Variants in ZC3H14 observed in about 807,000 individuals in gnomAD.
ZC3H14 encodes the protein zinc finger CCCH domain-containing protein 14.
A neutral mutation model predicts 92.4 loss-of-function variants in ZC3H14; 31 were observed. The ratio of observed to expected loss-of-function variants is 0.34; its 90% confidence interval spans 0.25 to 0.45. The LOEUF is 0.45. ZC3H14 is among the 20% of genes least tolerant of loss of function. The pLI is 1.00. For missense variants in ZC3H14, 781 were observed against 897.3 expected, an observed-to-expected ratio of 0.87 and a Z score of 1.66; for synonymous variants, 321 against 300.9, an observed-to-expected ratio of 1.07 and a Z score of -0.69.
intron 9 of ZC3H14, among the ~76,000 whole-genome samples, chr14:88,581,782 T>C (rs988963104): frequency 2.6e-5 from 4 of 152,166 alleles, no homozygotes; most frequent in Non-Finnish European, 4.4e-5. Context: ...TAGGTGTAAA[T>C]ATCGCGGTGA....
rs2087183840 is a variant in ZC3H14, at chr14:88,613,807, A to T, written c.*2056A>T. ...ACACAATCAGGAGCTTAGATACTGC[A>T]CACAAAAATAATTATCTGGGTTAAA... On this transcript the variant is annotated 3_prime_UTR_variant, in exon 17 of 17. Coordinates refer to ENST00000251038, the MANE Select transcript of ZC3H14 (RefSeq NM_024824.5). 1 of 152,224 alleles carries T rather than the reference A, an allele frequency of 6.6e-6. No individual in the cohort carries two copies. Among genetic ancestry groups the T allele is most frequent in the African/African-American group, 2.4e-5 (1 of 41,464 alleles). 9.4% of individuals were successfully genotyped at this position (152,224 alleles called of 1,614,324 possible). A position where few individuals can be genotyped will look rare whatever the true frequency, so the allele number is the denominator to read the frequency against.
intron 1 of ZC3H14, 152 bp from the exon 2 acceptor site, chr14:88,563,499 G>T: frequency 6.6e-7 from 1 of 1,504,606 alleles, no homozygotes; most frequent in Non-Finnish European, 9.0e-7. Context: ...TGGGGTGCGG[G>T]GTGGGGGGCG....
chr14:88,626,862 G>A lies in ZC3H14; in HGVS notation c.*15111G>A, dbSNP rs752425714. On this transcript the variant is annotated 3_prime_UTR_variant, in exon 17 of 17. Transcript: ENST00000251038. ...CTGCACCAAATGCAATAGCGAGCAT[G>A]GTCTGCATCCGGGCATCTTCCAGTG... The A allele has an allele frequency of 3.7e-6, 6 of 1,613,886 alleles. No homozygotes were observed. The highest frequency in any genetic ancestry group is 5.1e-6 in the Non-Finnish European group (6 of 1,179,832).
intron 13 of ZC3H14, among the ~76,000 whole-genome samples, 172 bp downstream of exon 13, chr14:88,607,535 C>T (rs1202303726): frequency 3.5e-5 from 5 of 144,432 alleles, no homozygotes; most frequent in African/African-American, 1.0e-4. Context: ...CCTGCAAGTA[C>T]CATCCCATTT....
At chr14:88,584,656 G>A (rs1184303274) in intron 9 of ZC3H14, among the ~76,000 whole-genome samples, 1 of 152,136 alleles carries the variant, frequency 6.6e-6, no homozygotes, top group Non-Finnish European at 1.5e-5. Flanking sequence ...GCTGTGTGAT[G>A]CAACCATCTC....
intron 9 of ZC3H14, chr14:88,590,359 T>A (rs1453393201): frequency 6.5e-6 from 1 of 153,080 alleles, no homozygotes; most frequent in Non-Finnish European, 1.5e-5. Flanking sequence ...TGTTCTGCCT[T>A]CTCATCACCC....
chr14:88,611,655 T>C, intron 16 of ZC3H14, 90 bp from the exon 17 acceptor site: 1 of 1,509,032 alleles, frequency 6.6e-7, no homozygotes. Flanking sequence ...TATTTATTGC[T>C]TAAAACTAGT....
Position 88,621,434 on chromosome 14 carries a change from C to T in ZC3H14, c.*9683C>T. The T allele has an allele frequency of 1.0e-6, 1 of 956,704 alleles. No individual in the cohort carries two copies. The highest frequency in any genetic ancestry group is 1.6e-6 in the Non-Finnish European group (1 of 628,780). 59.3% of individuals were successfully genotyped at this position (956,704 alleles called of 1,614,324 possible). On this transcript the variant is annotated 3_prime_UTR_variant, in exon 17 of 17. Transcript: ENST00000251038. ...TGAGCTAATCTAGTAGCAAGGCAGT[C>T]ATTAGCTCATGCAAATTTTTCTATG...
intron 9 of ZC3H14, chr14:88,589,307 T>C (rs2082817592): frequency 6.6e-6 from 1 of 152,154 alleles, no homozygotes; most frequent in Non-Finnish European, 1.5e-5. Context: ...CTATTAAAAA[T>C]ATTAAAATTT....
At chr14:88,591,953 T>A (rs1484458019) in intron 9 of ZC3H14, 1 of 152,240 alleles carries the variant, frequency 6.6e-6, no homozygotes, top group Non-Finnish European at 1.5e-5. Context: ...TTTCCTAATC[T>A]ATAAATGAAG....
In ZC3H14 at chr14:88,624,714, T is replaced by G. The variant is rs1419783550; in HGVS notation, c.*12963T>G. The G allele has an allele frequency of 2.4e-6, 1 of 418,244 alleles. No homozygotes were observed. Among genetic ancestry groups the G allele is most frequent in the African/African-American group, 2.0e-5 (1 of 49,026 alleles). 25.9% of individuals were successfully genotyped at this position (418,244 alleles called of 1,614,324 possible). On this transcript the variant is annotated 3_prime_UTR_variant, in exon 17 of 17. Transcript: ENST00000251038. The stretch of plus-strand genomic sequence containing the variant: ...ACAGGCATACAGACATTAAGAAAAG[T>G]AACTCAACTTGTAGGACAACTACCT...
In ZC3H14 at chr14:88,621,428, G is replaced by A; in HGVS notation, c.*9677G>A. 9.5e-7 allele frequency: 1 copy of A among 1,055,396 alleles called. No homozygotes were observed. Among genetic ancestry groups the A allele is most frequent in the Non-Finnish European group, 1.4e-6 (1 of 709,212 alleles). The allele number at this position is 1,055,396 out of a possible 1,614,324, so 65.4% of individuals were successfully genotyped here. A position where few individuals can be genotyped will look rare whatever the true frequency, so the allele number is the denominator to read the frequency against. ...TTGCTTTGAGCTAATCTAGTAGCAA[G>A]GCAGTCATTAGCTCATGCAAATTTT... On this transcript the variant is annotated 3_prime_UTR_variant, in exon 17 of 17. Coordinates refer to ENST00000251038, the MANE Select transcript of ZC3H14 (RefSeq NM_024824.5).
At chr14:88,591,476 A>G (rs1426781177) in intron 9 of ZC3H14, 3 of 152,144 alleles carry the variant, frequency 2.0e-5, no homozygotes, top group African/African-American at 7.2e-5. Context: ...CCCAAAGATC[A>G]TAGGGTAGAG....
At chr14:88,571,198 G>T in intron 4 of ZC3H14, 74 bp downstream of exon 4, 1 of 1,349,890 alleles carries the variant, frequency 7.4e-7, no homozygotes, top group Non-Finnish European at 1.0e-6. Context: ...AAGTCATAGT[G>T]CTTTGGGAAA....
At chr14:88,597,136 A>G (rs2083943220) in intron 10 of ZC3H14, among the ~76,000 whole-genome samples, 1 of 152,116 alleles carries the variant, frequency 6.6e-6, no homozygotes, top group African/African-American at 2.4e-5. Flanking sequence ...TGTCATTGCC[A>G]TGAGTGGCTT....
intron 10 of ZC3H14, among the ~76,000 whole-genome samples, chr14:88,597,930 C>T (rs902436454): frequency 2.9e-4 from 44 of 152,118 alleles, no homozygotes; most frequent in Non-Finnish European, 1.3e-4. Context: ...GTCCTTAGCT[C>T]CTATCACATT....
At chr14:88,581,250 T>G (rs1181334047) in intron 9 of ZC3H14, among the ~76,000 whole-genome samples, 1 of 152,144 alleles carries the variant, frequency 6.6e-6, no homozygotes, top group Non-Finnish European at 1.5e-5. Context: ...CTTGGAATAC[T>G]TCCTATTTAA....
intron 5 of ZC3H14, 37 bp downstream of exon 5, chr14:88,572,262 C>T: frequency 6.2e-7 from 1 of 1,602,852 alleles, no homozygotes; most frequent in Non-Finnish European, 8.5e-7. Context: ...GGGCAGATGG[C>T]TCTGTGTATG....
chr14:88,595,240 A>G, intron 9 of ZC3H14: 2 of 1,489,852 alleles, frequency 1.3e-6, no homozygotes, highest in Non-Finnish European at 1.8e-6. Context: ...TGGACCTTTA[A>G]TGACAAATTT....
Sources: allele counts gnomAD v4.1 joint callset (sites outside exome capture counted in the v4.1 genomes callset), GRCh38; gene constraint gnomAD v4.1.1; transcripts MANE v1.5; gene names NCBI Gene and HGNC (gene_info 2026-07-23, HGNC 2026-07-21).